MED13: variants seen among roughly 807,000 people sequenced by gnomAD.
MED13 encodes mediator complex subunit 13, also known as mediator of RNA polymerase II transcription subunit 13.
A neutral mutation model predicts 225.2 loss-of-function variants in MED13; 23 were observed. The observed-to-expected ratio is 0.10, with a 90% CI of 0.07 to 0.14. The LOEUF (loss-of-function observed/expected upper bound fraction) is 0.14, where lower values mean the gene tolerates loss of function less well. MED13 is among the 10% of genes least tolerant of loss of function. The pLI, the probability that MED13 is intolerant of heterozygous loss-of-function variation, is 1.00. For missense variants in MED13, 2,197 were observed against 2,594.5 expected (o/e 0.85, Z 3.33); for synonymous variants, 942 against 889.2 (o/e 1.06, Z -1.06).
At chr17:61,991,307 C>T (rs2080296501) in intron 11 of MED13, among the ~76,000 whole-genome samples, 1 of 151,600 alleles carries the variant, frequency 6.6e-6, no homozygotes, top group South Asian at 2.1e-4. Flanking sequence ...TTAGTAGAGA[C>T]AGGGTTTCAC....
At chr17:62,033,265 T>G (rs762364071) in intron 5 of MED13, among the ~76,000 whole-genome samples, 6 of 152,188 alleles carry the variant, frequency 3.9e-5, no homozygotes, top group Non-Finnish European at 5.9e-5. Flanking sequence ...TTCTGTCTCT[T>G]AAGTTATTGG....
At chr17:61,990,627 G>GTATGTATATATATATATATA (rs1555635070) in intron 11 of MED13, among the ~76,000 whole-genome samples, 58 of 138,998 alleles carry the variant, frequency 4.2e-4, no homozygotes, top group African/African-American at 1.5e-3. Flanking sequence ...GGCGCACTGT[G>GTATGTATATATATATATATA]TATATATATA....
intron 9 of MED13, among the ~76,000 whole-genome samples, chr17:62,003,111 A>G: frequency 6.6e-6 from 1 of 152,218 alleles, no homozygotes; most frequent in African/African-American, 2.4e-5. Context: ...ACTACACAGA[A>G]CAATAATTCC....
At chr17:62,019,058 C>T (rs557173463) in intron 8 of MED13, among the ~76,000 whole-genome samples, 5 of 152,270 alleles carry the variant, frequency 3.3e-5, no homozygotes, top group African/African-American at 1.2e-4. Context: ...GGTGTAGTAT[C>T]AAAGAAGAAT....
At chr17:61,980,741 G>T (rs761130416) in intron 16 of MED13, among the ~76,000 whole-genome samples, 2 of 151,912 alleles carry the variant, frequency 1.3e-5, no homozygotes, top group Non-Finnish European at 2.9e-5. Context: ...AAACCCCAAC[G>T]CTATTTTCCA....
At chr17:62,043,135 G>A (rs1194088860) in intron 3 of MED13, among the ~76,000 whole-genome samples, 1 of 70,006 alleles carries the variant, frequency 1.4e-5, no homozygotes, top group Admixed American at 2.5e-4. Flanking sequence ...TGGCCTAGGA[G>A]ACAAAGCAAG....
chr17:62,000,708 C>T (rs796732883), intron 9 of MED13, among the ~76,000 whole-genome samples: 15 of 152,206 alleles, frequency 9.9e-5, no homozygotes, highest in African/African-American at 3.6e-4. Context: ...TTTAGCCAGA[C>T]CTTCATTATT....
chr17:61,989,845 T>C (rs912272025), intron 11 of MED13, among the ~76,000 whole-genome samples: 6 of 152,234 alleles, frequency 3.9e-5, no homozygotes, highest in Non-Finnish European at 7.3e-5. Flanking sequence ...CTTTAGCCAT[T>C]CAGGGCCTTT....
In MED13 at chr17:61,995,897, T is replaced by C. The variant is rs576738333; in HGVS notation, c.1968-532A>G. On this transcript the variant is annotated intron_variant, in intron 9 of 29. Coordinates refer to ENST00000397786, the MANE Select transcript of MED13 (RefSeq NM_005121.3). The stretch of plus-strand genomic sequence containing the variant: ...ATGAAAATAGCATTATTACTATTAA[T>C]TCTGGCAAGATGTTTCACAATGGAA... 1.8e-4 allele frequency among the ~76,000 whole-genome samples: 27 copies of C among 152,350 alleles called. No individual in the cohort carries two copies. In the South Asian group the frequency reaches 5.6e-3, roughly 32 times the overall value.
Position 61,950,081 on chromosome 17 carries a change from G to C in MED13, c.6291+744C>G, listed in dbSNP as rs565896580. On this transcript the variant is annotated intron_variant, in intron 28 of 29. Coordinates refer to ENST00000397786, the MANE Select transcript of MED13 (RefSeq NM_005121.3). The stretch of plus-strand genomic sequence containing the variant: ...AACATAATAATCATTAAAAGACCCA[G>C]GTTTCAGTCTTGAGTCTATTACCAA... 6.6e-5 allele frequency among the ~76,000 whole-genome samples: 10 copies of C among 152,222 alleles called. No homozygotes were observed. The East Asian group carries it at 1.9e-3, about 29-fold the overall frequency.
At chr17:62,027,865 A>G (rs758662653) in intron 8 of MED13, among the ~76,000 whole-genome samples, 2 of 152,236 alleles carry the variant, frequency 1.3e-5, no homozygotes, top group Admixed American at 6.5e-5. Context: ...CCATAATGAG[A>G]TAACATCTCA....
intron 23 of MED13, among the ~76,000 whole-genome samples, chr17:61,957,788 T>G (rs1224384394): frequency 6.6e-6 from 1 of 152,216 alleles, no homozygotes; most frequent in African/African-American, 2.4e-5. Flanking sequence ...AACAACATTG[T>G]TACATGTTTT....
chr17:62,064,771 G>A (rs182691536), intron 1 of MED13, among the ~76,000 whole-genome samples: 2 of 152,232 alleles, frequency 1.3e-5, no homozygotes, highest in East Asian at 3.9e-4. Flanking sequence ...GGGGAGCAGG[G>A]GCAATAATGT....
Position 61,946,709 on chromosome 17 carries a change from T to A in MED13, c.6393-109A>T. On this transcript the variant is annotated intron_variant, in intron 29 of 29. Transcript: ENST00000397786. ...CTCAAAGTCACCTTAAAAAAGAGTG[T>A]AACAGAGAGTCCTTGAGGGGAAAGA... 3 of 1,350,322 alleles carry A rather than the reference T, an allele frequency of 2.2e-6. No homozygotes were observed. The South Asian group carries it at 3.9e-5, about 17-fold the overall frequency. 83.6% of individuals were successfully genotyped at this position (1,350,322 alleles called of 1,614,324 possible). A position where few individuals can be genotyped will look rare whatever the true frequency, so the allele number is the denominator to read the frequency against.
chr17:61,999,171 T>C lies in MED13; in HGVS notation c.1968-3806A>G, dbSNP rs73991957. ...GATCAAATAATGTATTCTACAACTA[T>C]ATACATACAAATCTGGTATACCACT... On this transcript the variant is annotated intron_variant, in intron 9 of 29. Transcript: ENST00000397786. Among the ~76,000 whole-genome samples, 575 of 152,290 alleles carry C rather than the reference T, an allele frequency of 3.8e-3. 5 individuals are homozygous for C. Among genetic ancestry groups the C allele is most frequent in the African/African-American group, 0.013 (535 of 41,556 alleles).
At chr17:62,015,049 A>G (rs992139357) in intron 8 of MED13, among the ~76,000 whole-genome samples, 4 of 152,214 alleles carry the variant, frequency 2.6e-5, no homozygotes, top group South Asian at 2.1e-4. Context: ...AGTTTTACCA[A>G]CCGAGTCAAT....
Position 61,992,598 on chromosome 17 carries a change from T to C in MED13, c.2205A>G (p.Val735=). The C allele has an allele frequency of 1.2e-6, 2 of 1,610,434 alleles. No individual in the cohort carries two copies. Among genetic ancestry groups the C allele is most frequent in the Non-Finnish European group, 1.7e-6 (2 of 1,176,934 alleles). The change falls in exon 11 of 30, where the codon GTA becomes GTG. Residue 735 remains valine (V), a synonymous_variant. Transcript: ENST00000397786. ...CATCTTCTTCATGTGATAACACTGT[T>C]ACACTAGATGTCCCATCTTCTACCT... is the stretch of plus-strand genomic sequence containing the variant. ...KHKVEDGTSS[V]TVLSHEEDAM...
rs1364409775 is a variant in MED13, at chr17:61,984,173, C to A, written c.2886G>T (p.Glu962Asp). The A allele has an allele frequency of 1.3e-6, 2 of 1,554,878 alleles. No homozygotes were observed. Among genetic ancestry groups the A allele is most frequent in the Non-Finnish European group, 1.7e-6 (2 of 1,153,846 alleles). ...TATTGTAACAACATAAATCATACCCCTCTTTGATGAATGGCATTGAAGGCC... is the reference window on the plus strand; with the variant it reads ...TATTGTAACAACATAAATCATACCCATCTTTGATGAATGGCATTGAAGGCC... ...SSGPSMPFIK[E>D]GDGSNMDQEY... Residue 962 changes from glutamate to aspartate, a missense_variant and splice_region_variant, in exon 15 of 30, where the codon GAG becomes GAT. Transcript: ENST00000397786.
intron 17 of MED13, among the ~76,000 whole-genome samples, chr17:61,971,206 C>T (rs1022150084): frequency 6.6e-6 from 1 of 151,284 alleles, no homozygotes; most frequent in Non-Finnish European, 1.5e-5. Context: ...AAAAGATAAT[C>T]TCTATATGTG....
Sources: gnomAD v4.1 joint callset for allele counts (sites outside exome capture counted in the v4.1 genomes callset) on GRCh38, gnomAD v4.1.1 for gene constraint, MANE v1.5 for transcripts, NCBI Gene and HGNC (gene_info 2026-07-23, HGNC 2026-07-21) for gene names.